SDK1: variants seen among roughly 807,000 people sequenced by gnomAD.
SDK1 encodes sidekick cell adhesion molecule 1.
Under a neutral mutation model 245.5 loss-of-function variants are expected in SDK1, and 157 were observed. The ratio of observed to expected loss-of-function variants is 0.64; its 90% confidence interval spans 0.56 to 0.73. SDK1 has a LOEUF of 0.73. Ranked by LOEUF, SDK1 falls within the 30% of genes least tolerant of loss-of-function variation. The pLI, the probability that SDK1 is intolerant of heterozygous loss-of-function variation, is 0.00. For synonymous variants in SDK1, 1,647 were observed against 1,278.5 expected (o/e 1.29, Z -6.15); for missense variants, 3,583 against 3,002.3 (o/e 1.19, Z -4.52).
chr7:4,111,333 G>T lies in SDK1; in HGVS notation c.3434+561G>T, dbSNP rs116741895. ...GCTGTTAGTACTGTGATCACTTCCCGTAAGGCCTTTGAAGGAGATGGAATT... is the reference window on the plus strand; with the variant it reads ...GCTGTTAGTACTGTGATCACTTCCCTTAAGGCCTTTGAAGGAGATGGAATT... On this transcript the variant is annotated intron_variant, in intron 23 of 44. Coordinates refer to ENST00000404826, the MANE Select transcript of SDK1 (RefSeq NM_152744.4). Among the ~76,000 whole-genome samples, 52 of 152,270 alleles carry T rather than the reference G, an allele frequency of 3.4e-4. 1 individual carries two copies. Among genetic ancestry groups the T allele is most frequent in the African/African-American group, 1.2e-3 (49 of 41,540 alleles).
intron 28 of SDK1, among the ~76,000 whole-genome samples, chr7:4,132,975 A>G (rs1198603276): frequency 6.6e-6 from 1 of 152,202 alleles, no homozygotes; most frequent in Non-Finnish European, 1.5e-5. Flanking sequence ...TTTGCGGCTC[A>G]TGGCGATACC....
chr7:3,382,778 GAATA>G (rs2128567492), intron 1 of SDK1, among the ~76,000 whole-genome samples: 1 of 152,224 alleles, frequency 6.6e-6, no homozygotes, highest in African/African-American at 2.4e-5. Flanking sequence ...CTCACAACAT[GAATA>G]GTTTTTTGGG....
chr7:3,862,945 G>C (rs1313772235), intron 5 of SDK1, among the ~76,000 whole-genome samples: 1 of 150,494 alleles, frequency 6.6e-6, no homozygotes, highest in Non-Finnish European at 1.5e-5. Flanking sequence ...TGGGAATCCA[G>C]TGCCACCGCT....
chr7:4,222,293 C>T (rs189920559), intron 40 of SDK1, among the ~76,000 whole-genome samples: 64 of 152,208 alleles, frequency 4.2e-4, no homozygotes, highest in African/African-American at 1.4e-3. Context: ...TTTCTAGAAA[C>T]TTCTTTATTT....
At chr7:4,171,763 C>T (rs1009641513) in intron 32 of SDK1, among the ~76,000 whole-genome samples, 12 of 152,238 alleles carry the variant, frequency 7.9e-5, no homozygotes, top group African/African-American at 2.7e-4. Flanking sequence ...AGCTAGATGC[C>T]GGGCAGTGCC....
chr7:3,711,728 G>C (rs1359094381), intron 4 of SDK1, among the ~76,000 whole-genome samples: 1 of 152,152 alleles, frequency 6.6e-6, no homozygotes, highest in African/African-American at 2.4e-5. Context: ...GGGTGGGAGA[G>C]TTAGGCAGGA....
intron 13 of SDK1, among the ~76,000 whole-genome samples, chr7:3,975,123 C>T (rs924695881): frequency 6.6e-6 from 1 of 152,174 alleles, no homozygotes; most frequent in Non-Finnish European, 1.5e-5. Context: ...CCGTCAATCT[C>T]CCCCGTCTCT....
chr7:4,237,018 C>T (rs371331262), intron 41 of SDK1, among the ~76,000 whole-genome samples: 3 of 152,074 alleles, frequency 2.0e-5, no homozygotes, highest in Admixed American at 6.5e-5. Flanking sequence ...GTGATCCTCC[C>T]GCCTCAGCCT....
At chr7:3,978,941 G>C (rs1366807087) in intron 13 of SDK1, among the ~76,000 whole-genome samples, 1 of 152,162 alleles carries the variant, frequency 6.6e-6, no homozygotes, top group African/African-American at 2.4e-5. Flanking sequence ...CCAGCCGTTG[G>C]CCTCTTCTCA....
At chr7:3,603,642 A>G (rs1304047135) in intron 1 of SDK1, among the ~76,000 whole-genome samples, 8 of 152,044 alleles carry the variant, frequency 5.3e-5, no homozygotes, top group African/African-American at 1.9e-4. Flanking sequence ...GGACAATTTG[A>G]CTTCCTTTTT....
chr7:3,927,199 A>G (rs1779802858), intron 5 of SDK1, among the ~76,000 whole-genome samples: 1 of 152,186 alleles, frequency 6.6e-6, no homozygotes, highest in South Asian at 2.1e-4. Flanking sequence ...TAAATGGAAA[A>G]AAGTTAGGAA....
intron 1 of SDK1, among the ~76,000 whole-genome samples, chr7:3,368,075 T>C (rs1781135110): frequency 1.3e-5 from 2 of 152,204 alleles, no homozygotes; most frequent in South Asian, 2.1e-4. Flanking sequence ...CAATCTGCAA[T>C]AAGGAGTTCT....
chr7:3,877,765 T>A (rs534671514), intron 5 of SDK1, among the ~76,000 whole-genome samples: 1 of 152,340 alleles, frequency 6.6e-6, no homozygotes, highest in South Asian at 2.1e-4. Context: ...TCAATGTGGA[T>A]AACCCCTTTC....
At chr7:4,053,793 A>G (rs1779031361) in intron 19 of SDK1, among the ~76,000 whole-genome samples, 1 of 152,122 alleles carries the variant, frequency 6.6e-6, no homozygotes, top group Non-Finnish European at 1.5e-5. Flanking sequence ...ATGAAATGAA[A>G]AGTAGCCCTG....
chr7:3,356,209 C>T (rs1490739793), intron 1 of SDK1, among the ~76,000 whole-genome samples: 1 of 152,086 alleles, frequency 6.6e-6, no homozygotes, highest in Non-Finnish European at 1.5e-5. Flanking sequence ...ACAGTGCTTG[C>T]CCTTCTCTAG....
chr7:3,620,947 C>A (rs1421831821), intron 2 of SDK1, among the ~76,000 whole-genome samples: 1 of 152,158 alleles, frequency 6.6e-6, no homozygotes, highest in African/African-American at 2.4e-5. Flanking sequence ...ATGTTGAAAT[C>A]AAACAGTCCT....
intron 4 of SDK1, among the ~76,000 whole-genome samples, chr7:3,683,761 A>C (rs1437220324): frequency 1.3e-5 from 2 of 152,172 alleles, no homozygotes; most frequent in South Asian, 2.1e-4. Context: ...GTTGCCTTAG[A>C]CACATGCATT....
chr7:3,488,975 A>G (rs531530705), intron 1 of SDK1, among the ~76,000 whole-genome samples: 4 of 151,588 alleles, frequency 2.6e-5, no homozygotes, highest in South Asian at 2.1e-4. Flanking sequence ...AGCTCTTTCA[A>G]TGAGTGGAAT....
intron 32 of SDK1, among the ~76,000 whole-genome samples, chr7:4,164,822 C>T (rs1272374087): frequency 6.6e-6 from 1 of 152,158 alleles, no homozygotes; most frequent in Non-Finnish European, 1.5e-5. Context: ...TCAGCCGTCC[C>T]CCTCCAGAGC....
Sources: allele counts gnomAD v4.1 joint callset (sites outside exome capture counted in the v4.1 genomes callset), GRCh38; gene constraint gnomAD v4.1.1; transcripts MANE v1.5; gene names NCBI Gene and HGNC (gene_info 2026-07-23, HGNC 2026-07-21).